Variants in OSBPL10 observed in about 807,000 individuals in gnomAD.
OSBPL10 encodes oxysterol-binding protein-related protein 10.
In OSBPL10, 49 loss-of-function variants were observed where a neutral mutation model predicts 81.7. The ratio of observed to expected loss-of-function variants is 0.60; its 90% CI spans 0.48 to 0.76. The LOEUF is 0.76. OSBPL10 is among the 30% of genes least tolerant of loss of function. The pLI is 0.00. For missense variants in OSBPL10, 923 were observed against 987.8 expected (o/e 0.93, Z 0.88); for synonymous variants, 419 against 383.6 (o/e 1.09, Z -1.08).
intron 7 of OSBPL10, among the ~76,000 whole-genome samples, chr3:31,693,171 C>A (rs1265029483): frequency 2.0e-5 from 3 of 152,154 alleles, no homozygotes; most frequent in African/African-American, 4.8e-5. Flanking sequence ...AGACCAGAGA[C>A]CCCTGAGGTC....
At chr3:31,679,513 G>T (rs1700581122) in intron 8 of OSBPL10, among the ~76,000 whole-genome samples, 1 of 152,194 alleles carries the variant, frequency 6.6e-6, no homozygotes, top group South Asian at 2.1e-4. Context: ...AGCCACCACT[G>T]TTACCGATAA....
At position 32,012,628 on chromosome 3, in the gene OSBPL10, A is replaced by G. The variant is rs1312114345; in HGVS notation, n.298+33863T>C. On this transcript the variant is annotated intron_variant and non_coding_transcript_variant, in intron 2 of 3. Coordinates refer to the OSBPL10 transcript ENST00000479173. ...AAATGTAAATGGGCTAAATGCTCCA[A>G]TTAAAAGACACAGACTGGCAAATTG... is the stretch of plus-strand genomic sequence containing the variant. 3.3e-5 allele frequency among the ~76,000 whole-genome samples: 5 copies of G among 152,248 alleles called. No individual in the cohort carries two copies. The East Asian group carries it at 9.6e-4, about 29-fold the overall frequency.
intron 1 of OSBPL10, among the ~76,000 whole-genome samples, chr3:31,919,102 G>A (rs1271172171): frequency 6.6e-6 from 1 of 152,116 alleles, no homozygotes; most frequent in Non-Finnish European, 1.5e-5. Flanking sequence ...TACCCAGAAT[G>A]CCCTGCCCAG....
At chr3:31,952,049 A>G (rs1183361322) in intron 1 of OSBPL10, among the ~76,000 whole-genome samples, 1 of 151,910 alleles carries the variant, frequency 6.6e-6, no homozygotes, top group Non-Finnish European at 1.5e-5. Flanking sequence ...AGGATTTGTT[A>G]GCTCTAAAGA....
At chr3:31,741,336 C>T (rs1406997547) in intron 5 of OSBPL10, among the ~76,000 whole-genome samples, 1 of 152,254 alleles carries the variant, frequency 6.6e-6, no homozygotes, top group East Asian at 1.9e-4. Context: ...ACAATCTCGG[C>T]TCACTGCAAC....
chr3:31,746,561 C>G (rs1350758012), intron 5 of OSBPL10, among the ~76,000 whole-genome samples: 1 of 151,770 alleles, frequency 6.6e-6, no homozygotes, highest in Non-Finnish European at 1.5e-5. Flanking sequence ...GCCTGTAATT[C>G]CAGCTACTCG....
At chr3:31,742,090 A>G (rs1210636776) in intron 5 of OSBPL10, among the ~76,000 whole-genome samples, 1 of 152,238 alleles carries the variant, frequency 6.6e-6, no homozygotes, top group African/African-American at 2.4e-5. Flanking sequence ...GCTTTTAATC[A>G]TAAAATAAGG....
intron 6 of OSBPL10, among the ~76,000 whole-genome samples, chr3:31,718,525 C>A (rs377735705): frequency 3.3e-4 from 51 of 152,276 alleles, no homozygotes; most frequent in African/African-American, 1.1e-3. Flanking sequence ...GAGATTTTGA[C>A]AGAATTCTCT....
At chr3:31,808,467 C>G (rs182946459) in intron 4 of OSBPL10, among the ~76,000 whole-genome samples, 43 of 152,316 alleles carry the variant, frequency 2.8e-4, no homozygotes, top group African/African-American at 9.9e-4. Flanking sequence ...ATTTCTTAAA[C>G]AATCAGTGTC....
intron 4 of OSBPL10, among the ~76,000 whole-genome samples, chr3:31,789,560 A>T (rs370791458): frequency 6.6e-6 from 1 of 152,214 alleles, no homozygotes; most frequent in East Asian, 1.9e-4. Context: ...CCTGTGAAAG[A>T]AGTGGTGGGG....
intron 2 of OSBPL10, among the ~76,000 whole-genome samples, chr3:32,014,395 G>A (rs1254227598): frequency 1.3e-5 from 2 of 152,072 alleles, no homozygotes; most frequent in Non-Finnish European, 2.9e-5. Flanking sequence ...AAATTCAACA[G>A]TCCTTCATGC....
intron 1 of OSBPL10, among the ~76,000 whole-genome samples, chr3:31,956,632 G>A (rs989875678): frequency 3.3e-5 from 5 of 152,144 alleles, no homozygotes; most frequent in Non-Finnish European, 7.3e-5. Flanking sequence ...GGAGACTGAG[G>A]CAGGAGAATC....
At chr3:32,034,325 C>T (rs967463734) in intron 2 of OSBPL10, among the ~76,000 whole-genome samples, 20 of 151,652 alleles carry the variant, frequency 1.3e-4, no homozygotes, top group African/African-American at 4.8e-4. Flanking sequence ...CCTGTAGTCC[C>T]AGCTGAGAGG....
At position 31,918,817 on chromosome 3, in the gene OSBPL10, G is replaced by A. The variant is rs138279703; in HGVS notation, c.282-38987C>T. On this transcript the variant is annotated intron_variant, in intron 1 of 11. Coordinates refer to ENST00000396556, the MANE Select transcript of OSBPL10 (RefSeq NM_017784.5). Reference sequence around the variant, plus strand: ...AGTGGTAATTTGTACATATTCAGATGTTTAAGGGAAAGCATTTGATTTTTA... The same window carrying A: ...AGTGGTAATTTGTACATATTCAGATATTTAAGGGAAAGCATTTGATTTTTA... Among the ~76,000 whole-genome samples the A allele has an allele frequency of 5.9e-5, 9 of 152,264 alleles. No individual in the cohort carries two copies. In the East Asian group the frequency reaches 1.7e-3, roughly 29 times the overall value.
rs144544726 is a variant in OSBPL10 at position 31,996,157 on chromosome 3, C to G, written n.298+50334G>C. ...CAAAATACTAGTCCTTCTGACTTCC[C>G]CACAGGTAAACGCAAACAACCAGAA... is the stretch of plus-strand genomic sequence containing the variant. On this transcript the variant is annotated intron_variant and non_coding_transcript_variant, in intron 2 of 3. Coordinates refer to the OSBPL10 transcript ENST00000479173. Among the ~76,000 whole-genome samples the G allele has an allele frequency of 4.2e-3, 633 of 152,246 alleles. 3 individuals are homozygous for G. The highest frequency in any genetic ancestry group is 0.014 in the African/African-American group (583 of 41,544).
intron 1 of OSBPL10, among the ~76,000 whole-genome samples, chr3:31,944,328 T>C (rs886259793): frequency 2.0e-5 from 3 of 152,184 alleles, no homozygotes; most frequent in African/African-American, 7.2e-5. Context: ...AAATTAATTA[T>C]ATAATCATAA....
At chr3:31,999,202 T>C (rs1429065429) in intron 2 of OSBPL10, among the ~76,000 whole-genome samples, 1 of 152,184 alleles carries the variant, frequency 6.6e-6, no homozygotes, top group Non-Finnish European at 1.5e-5. Flanking sequence ...AGGTGTGGCA[T>C]GTAGCAAAGG....
chr3:31,855,684 A>G (rs1475950220), intron 3 of OSBPL10, among the ~76,000 whole-genome samples: 1 of 152,148 alleles, frequency 6.6e-6, no homozygotes, highest in Non-Finnish European at 1.5e-5. Context: ...TGTTTGTTGA[A>G]TGCTACTCCA....
intron 1 of OSBPL10, among the ~76,000 whole-genome samples, chr3:31,956,738 A>G (rs1415120727): frequency 1.3e-5 from 2 of 151,960 alleles, no homozygotes; most frequent in African/African-American, 2.4e-5. Flanking sequence ...CAAAAAAAAA[A>G]AGGGGGCCTT....
Sources: gnomAD v4.1 joint callset for allele counts (sites outside exome capture counted in the v4.1 genomes callset) on GRCh38, gnomAD v4.1.1 for gene constraint, MANE v1.5 for transcripts, NCBI Gene and HGNC (gene_info 2026-07-23, HGNC 2026-07-21) for gene names.